The following CCDC88A variants were observed in gnomAD, a reference collection of about 807,000 sequenced individuals.
The protein encoded by CCDC88A is girdin.
In CCDC88A, 54 loss-of-function variants were observed where a neutral mutation model predicts 234.3. The observed-to-expected ratio is 0.23, with a 90% CI of 0.19 to 0.29. The LOEUF (loss-of-function observed/expected upper bound fraction) is 0.29. Among genes scored for constraint, CCDC88A ranks in the 10% least tolerant of loss-of-function variants. The pLI is 1.00. For synonymous variants in CCDC88A, 753 were observed against 737.8 expected (o/e 1.02, Z -0.33); for missense variants, 1,832 against 2,123.4 (o/e 0.86, Z 2.70).
rs767689704 is a variant in CCDC88A, at chr2:55,295,878, C to T, written c.5270G>A (p.Gly1757Asp). 1.6e-5 allele frequency: 26 copies of T among 1,613,942 alleles called. 1 individual carries two copies. The South Asian group carries it at 2.6e-4, about 16-fold the overall frequency. ...GTAGGTATCTTCAGTTTTTCGAGGA[C>T]CAGGTCTCAAAAACTCAGGCTTAGT... ...RTTKPEFLRP[G>D]PRKTEDTYFI... Residue 1757 changes from glycine (G) to aspartate (D), a missense_variant, in exon 31 of 33, where the codon GGT becomes GAT. Gly to Asp is a moderately conservative substitution (Grantham distance 94). Transcript: ENST00000436346.
At chr2:55,338,072 T>C (rs529387085) in intron 13 of CCDC88A, among the ~76,000 whole-genome samples, 1 of 152,272 alleles carries the variant, frequency 6.6e-6, no homozygotes, top group South Asian at 2.1e-4. Context: ...ATTCAGTTTA[T>C]AAAAAAATCA....
chr2:55,373,597 C>G (rs907742127), intron 4 of CCDC88A, among the ~76,000 whole-genome samples: 1 of 152,146 alleles, frequency 6.6e-6, no homozygotes, highest in Non-Finnish European at 1.5e-5. Flanking sequence ...ACCATAAGAG[C>G]TTCTAGAACA....
chr2:55,295,249 T>C (rs1351720589), intron 31 of CCDC88A: 1 of 1,352,148 alleles, frequency 7.4e-7, no homozygotes. Flanking sequence ...TGTGCAGGTT[T>C]ATCCAAAGAG....
At chr2:55,339,293 G>A (rs1668178798) in intron 13 of CCDC88A, 171 bp downstream of exon 13, 1 of 619,902 alleles carries the variant, frequency 1.6e-6, no homozygotes, top group East Asian at 3.2e-5. Flanking sequence ...TGCTGAAGCT[G>A]AATAATGAGT....
At chr2:55,318,342 AG>A (rs1190237184) in intron 19 of CCDC88A, among the ~76,000 whole-genome samples, 1 of 152,176 alleles carries the variant, frequency 6.6e-6, no homozygotes, top group Non-Finnish European at 1.5e-5. Context: ...TGATTCGGAG[AG>A]GGAACTTGTT....
intron 5 of CCDC88A, among the ~76,000 whole-genome samples, chr2:55,367,528 G>GTTTTTTTTTTTTTTTGTTTTT: frequency 1.0e-5 from 1 of 99,888 alleles, no homozygotes; most frequent in Non-Finnish European, 2.0e-5. Flanking sequence ...TTATTTCCTT[G>GTTTTTTTTTTTTTTTGTTTTT]TTTTTTTTTA....
intron 5 of CCDC88A, among the ~76,000 whole-genome samples, chr2:55,367,755 T>C (rs547470536): frequency 1.9e-4 from 29 of 152,088 alleles, no homozygotes; most frequent in Non-Finnish European, 3.5e-4. Context: ...CAATAGATTG[T>C]AGCCATCAAA....
In CCDC88A at chr2:55,312,682, T is replaced by A. The variant is rs371997058; in HGVS notation, c.3934-103A>T. The A allele has an allele frequency of 4.9e-5, 39 of 802,340 alleles. No homozygotes were observed. In the East Asian group the frequency reaches 7.2e-4, roughly 15 times the overall value. 49.7% of individuals were successfully genotyped at this position (802,340 alleles called of 1,614,324 possible). On this transcript the variant is annotated intron_variant, in intron 22 of 32. Transcript: ENST00000436346. ...ACAAAGATTTAAGTGTTCCACTGTT[T>A]GAACAATTAGATGATTGTACTTTTA...
intron 10 of CCDC88A, among the ~76,000 whole-genome samples, chr2:55,344,765 C>T (rs1367685754): frequency 6.6e-6 from 1 of 152,078 alleles, no homozygotes; most frequent in African/African-American, 2.4e-5. Flanking sequence ...TATTTAACTT[C>T]CTTAGTCACA....
chr2:55,312,645 A>G, intron 22 of CCDC88A, 66 bp from the exon 23 acceptor site: 2 of 1,135,702 alleles, frequency 1.8e-6, no homozygotes, highest in East Asian at 4.9e-5. Flanking sequence ...ACTGAAAAAT[A>G]TGAAGTACTA....
chr2:55,371,788 CT>C (rs1359714036), intron 5 of CCDC88A, among the ~76,000 whole-genome samples: 2 of 23,856 alleles, frequency 8.4e-5, no homozygotes, highest in African/African-American at 1.7e-4. Flanking sequence ...GCCTAGCCCA[CT>C]CTATAATTAT....
chr2:55,396,417 C>G (rs1677556744), intron 2 of CCDC88A, among the ~76,000 whole-genome samples: 1 of 152,174 alleles, frequency 6.6e-6, no homozygotes. Flanking sequence ...ACACTGACCA[C>G]ATTTAGACCT....
intron 5 of CCDC88A, 184 bp from the exon 6 acceptor site, chr2:55,364,217 A>G: frequency 2.3e-6 from 1 of 433,774 alleles, no homozygotes; most frequent in Non-Finnish European, 4.1e-6. Flanking sequence ...TTATTTTAAA[A>G]AGCAAGGCAC....
intron 5 of CCDC88A, among the ~76,000 whole-genome samples, chr2:55,365,207 G>T (rs1203907876): frequency 6.6e-6 from 1 of 152,052 alleles, no homozygotes; most frequent in African/African-American, 2.4e-5. Flanking sequence ...CAGAGTTTTG[G>T]GTGGATGGAA....
At chr2:55,305,654 C>G (rs182144252) in intron 25 of CCDC88A, among the ~76,000 whole-genome samples, 28 of 152,244 alleles carry the variant, frequency 1.8e-4, no homozygotes, top group African/African-American at 6.7e-4. Context: ...TGAGACCAGT[C>G]TGGGCTTAAT....
At chr2:55,399,343 G>A (rs1678194823) in intron 2 of CCDC88A, among the ~76,000 whole-genome samples, 1 of 151,820 alleles carries the variant, frequency 6.6e-6, no homozygotes, top group South Asian at 2.1e-4. Context: ...TGGCCAAGAT[G>A]GTGAAACCCC....
At chr2:55,350,375 A>G (rs1339328381) in intron 8 of CCDC88A, 1 of 152,142 alleles carries the variant, frequency 6.6e-6, no homozygotes, top group African/African-American at 2.4e-5. Context: ...TCTGCCCTGT[A>G]GCCTATAAAC....
At chr2:55,398,370 A>G (rs1284745846) in intron 2 of CCDC88A, among the ~76,000 whole-genome samples, 2 of 152,220 alleles carry the variant, frequency 1.3e-5, no homozygotes, top group Non-Finnish European at 2.9e-5. Flanking sequence ...ATCAGATATT[A>G]TATCATTATC....
chr2:55,394,792 AAAACTT>A (rs1677239820), intron 2 of CCDC88A: 1 of 150,818 alleles, frequency 6.6e-6, no homozygotes, highest in African/African-American at 2.4e-5. Context: ...TATGTACCCT[AAAACTT>A]AAAGTATAAT....
Sources: allele counts gnomAD v4.1 joint callset (sites outside exome capture counted in the v4.1 genomes callset), GRCh38; gene constraint gnomAD v4.1.1; transcripts MANE v1.5; gene names NCBI Gene and HGNC (gene_info 2026-07-23, HGNC 2026-07-21).